The following PAX8 variants were observed in gnomAD, a reference collection of about 807,000 sequenced individuals.
PAX8 encodes paired box 8.
In PAX8, 15 loss-of-function variants were observed where a neutral mutation model predicts 52.4. The ratio of observed to expected loss-of-function variants is 0.29; its 90% CI spans 0.19 to 0.44. The LOEUF is 0.44. Ranked by LOEUF, PAX8 falls within the 20% of genes least tolerant of loss-of-function variation. The pLI is 1.00. For missense variants in PAX8, 554 were observed against 602.5 expected (o/e 0.92, Z 0.84); for synonymous variants, 284 against 249.7 (o/e 1.14, Z -1.29).
chr2:113,255,994 T>TAAA (rs33968693), intron 2 of PAX8, among the ~76,000 whole-genome samples: 2,381 of 135,292 alleles, frequency 0.018, 65 homozygotes, highest in African/African-American at 0.061. Context: ...GCTCAATCAG[T>TAAA]AAAAAAAAAA....
intron 2 of PAX8, among the ~76,000 whole-genome samples, chr2:113,254,894 C>A (rs1400595123): frequency 6.6e-6 from 1 of 152,130 alleles, no homozygotes; most frequent in Non-Finnish European, 1.5e-5. Flanking sequence ...AAGCTCCCTC[C>A]TACAGAAAGT....
At chr2:113,253,462 TCAGGGCCTGCC>T (rs1244638473) in intron 2 of PAX8, among the ~76,000 whole-genome samples, 1 of 152,184 alleles carries the variant, frequency 6.6e-6, no homozygotes, top group African/African-American at 2.4e-5. Context: ...TCATGCAAGC[TCAGGGCCTGCC>T]CCTTCCACTC....
At chr2:113,275,531 C>T (rs1693739740) in intron 2 of PAX8, 1 of 152,214 alleles carries the variant, frequency 6.6e-6, no homozygotes, top group South Asian at 2.1e-4. Context: ...GAGACATCGT[C>T]CTCTGCCTTG....
intron 10 of PAX8, chr2:113,225,792 C>G (rs936187076): frequency 2.8e-6 from 1 of 352,550 alleles, no homozygotes; most frequent in African/African-American, 2.2e-5. Context: ...AAGCAGGCGG[C>G]AGGGGAAGGT....
chr2:113,239,001 A>G (rs1453383273), intron 7 of PAX8: 1 of 151,494 alleles, frequency 6.6e-6, no homozygotes, highest in Non-Finnish European at 1.5e-5. Context: ...ACTTCTAGCT[A>G]TGTCTGGTCA....
intron 9 of PAX8, among the ~76,000 whole-genome samples, chr2:113,232,894 T>A (rs547972306): frequency 1.6e-4 from 25 of 152,154 alleles, no homozygotes; most frequent in African/African-American, 6.0e-4. Context: ...CTCCCCATCA[T>A]CATGGGCACC....
chr2:113,261,398 A>G (rs1692667874), intron 2 of PAX8, among the ~76,000 whole-genome samples: 1 of 152,182 alleles, frequency 6.6e-6, no homozygotes, highest in South Asian at 2.1e-4. Context: ...CTCTAGAGGG[A>G]AACATTGAGT....
At chr2:113,262,966 C>T (rs987922139) in intron 2 of PAX8, among the ~76,000 whole-genome samples, 1 of 152,200 alleles carries the variant, frequency 6.6e-6, no homozygotes, top group African/African-American at 2.4e-5. Flanking sequence ...CAAACGCATG[C>T]ACAGATCAAC....
chr2:113,236,775 C>T (rs1690387449), intron 7 of PAX8, 54 bp from the exon 8 acceptor site: 3 of 1,536,654 alleles, frequency 2.0e-6, no homozygotes, highest in Non-Finnish European at 2.6e-6. Context: ...GCCGACCTTC[C>T]TGCAGACCCT....
chr2:113,226,666 ATCG>A (rs1553411717), intron 10 of PAX8: 3 of 1,049,776 alleles, frequency 2.9e-6, no homozygotes, highest in Non-Finnish European at 3.5e-6. Context: ...CATCATCGTC[ATCG>A]TCATCATCAT....
At chr2:113,236,879 G>A (rs931858044) in intron 7 of PAX8, 158 bp from the exon 8 acceptor site, 5 of 845,008 alleles carry the variant, frequency 5.9e-6, no homozygotes, top group South Asian at 4.0e-5. Context: ...CACTCGGCAC[G>A]TTTCGTTCAT....
chr2:113,219,365 C>A (rs998708333), intron 11 of PAX8, among the ~76,000 whole-genome samples: 1 of 152,124 alleles, frequency 6.6e-6, no homozygotes, highest in Non-Finnish European at 1.5e-5. Context: ...CTCTGATACA[C>A]CCAAGGCCAC....
chr2:113,260,878 T>TTGTGTGTGTGTGTG (rs34240850), intron 2 of PAX8, among the ~76,000 whole-genome samples: 161 of 148,216 alleles, frequency 1.1e-3, no homozygotes, highest in African/African-American at 3.6e-3. Context: ...AGTGACTGTT[T>TTGTGTGTGTGTGTG]TGTGTGTGTG....
At chr2:113,242,190 T>A in intron 5 of PAX8, 60 bp from the exon 6 acceptor site, 1 of 1,520,650 alleles carries the variant, frequency 6.6e-7, no homozygotes, top group Non-Finnish European at 9.0e-7. Flanking sequence ...CAGCCCTGGG[T>A]GACTCTGGGG....
At chr2:113,228,343 C>T (rs1323598911) in intron 9 of PAX8, among the ~76,000 whole-genome samples, 1 of 152,146 alleles carries the variant, frequency 6.6e-6, no homozygotes, top group Non-Finnish European at 1.5e-5. Flanking sequence ...GTTAATAATG[C>T]CCATTTCATT....
chr2:113,270,627 G>A (rs964963093), intron 2 of PAX8: 2 of 152,134 alleles, frequency 1.3e-5, no homozygotes, highest in African/African-American at 4.8e-5. Flanking sequence ...ACACACAGAG[G>A]GCCTGGGTGT....
At chr2:113,264,318 C>T (rs960881203) in intron 2 of PAX8, among the ~76,000 whole-genome samples, 9 of 152,216 alleles carry the variant, frequency 5.9e-5, no homozygotes, top group African/African-American at 2.2e-4. Flanking sequence ...GGGGCAGCTC[C>T]GGCCTGAATG....
intron 2 of PAX8, chr2:113,265,711 G>A (rs1445529940): frequency 6.6e-6 from 1 of 152,172 alleles, no homozygotes; most frequent in Non-Finnish European, 1.5e-5. Flanking sequence ...ATGTCAGCAC[G>A]AAGGCAGAGG....
intron 2 of PAX8, among the ~76,000 whole-genome samples, chr2:113,254,387 G>T (rs1452750052): frequency 5.3e-5 from 8 of 152,174 alleles, no homozygotes; most frequent in South Asian, 2.1e-4. Flanking sequence ...ACACAACAGG[G>T]TGTAATGGGG....
Sources: gnomAD v4.1 joint callset for allele counts (sites outside exome capture counted in the v4.1 genomes callset) on GRCh38, gnomAD v4.1.1 for gene constraint, MANE v1.5 for transcripts, NCBI Gene and HGNC (gene_info 2026-07-23, HGNC 2026-07-21) for gene names.